Variants in CLNK observed in about 807,000 individuals in gnomAD.
The protein encoded by CLNK is cytokine-dependent hematopoietic cell linker.
CLNK carries 74 observed loss-of-function variants against 68.6 expected under a neutral mutation model. The observed-to-expected ratio is 1.08, with a 90% CI of 0.89 to 1.31. CLNK has a LOEUF of 1.31. CLNK is among the 50% of genes most tolerant of loss of function. CLNK has a pLI of 0.00. For missense variants in CLNK, 553 were observed against 515.3 expected (o/e 1.07, Z -0.71); for synonymous variants, 198 against 172.2 (o/e 1.15, Z -1.17).
At chr4:10,617,378 A>G (rs1722277868) in intron 2 of CLNK, among the ~76,000 whole-genome samples, 2 of 152,280 alleles carry the variant, frequency 1.3e-5, no homozygotes, top group South Asian at 4.1e-4. Context: ...CCAAAAGAAT[A>G]TTTGTTAATA....
intron 2 of CLNK, among the ~76,000 whole-genome samples, chr4:10,634,420 A>C (rs569144043): frequency 2.0e-5 from 3 of 152,170 alleles, no homozygotes; most frequent in Non-Finnish European, 4.4e-5. Flanking sequence ...AATCTGGGGA[A>C]TGAGGCTGAA....
chr4:10,542,482 G>A (rs927473801), intron 8 of CLNK, among the ~76,000 whole-genome samples: 10 of 151,904 alleles, frequency 6.6e-5, no homozygotes, highest in African/African-American at 2.4e-4. Flanking sequence ...ACCCTTGTTC[G>A]GTTAATGAAG....
At chr4:10,543,657 A>G (rs1030930218) in intron 8 of CLNK, among the ~76,000 whole-genome samples, 3 of 152,234 alleles carry the variant, frequency 2.0e-5, no homozygotes, top group Non-Finnish European at 2.9e-5. Context: ...ACAATACAAC[A>G]CAACACAATG....
At chr4:10,542,152 A>C in intron 9 of CLNK, 103 bp downstream of exon 9, 2 of 1,220,336 alleles carry the variant, frequency 1.6e-6, no homozygotes, top group Non-Finnish European at 2.3e-6. Flanking sequence ...TCAGACTTAT[A>C]AGACATATTT....
At chr4:10,512,429 C>A (rs1348592569) in intron 16 of CLNK, among the ~76,000 whole-genome samples, 2 of 151,902 alleles carry the variant, frequency 1.3e-5, no homozygotes, top group African/African-American at 4.8e-5. Flanking sequence ...TAGAGTTTCT[C>A]CATGTTGGTC....
At chr4:10,727,403 G>C in the CLNK span, among the ~76,000 whole-genome samples, 2 of 152,122 alleles carry the variant, frequency 1.3e-5, no homozygotes, top group South Asian at 4.1e-4. Context: ...GTGAGACTGG[G>C]GTTTCACCAA....
At chr4:10,604,411 T>A (rs1721709771) in intron 2 of CLNK, among the ~76,000 whole-genome samples, 1 of 152,164 alleles carries the variant, frequency 6.6e-6, no homozygotes, top group South Asian at 2.1e-4. Flanking sequence ...AAATTGCATA[T>A]TCATGCACAC....
chr4:10,685,356 G>A (rs1725231158), upstream of CLNK, among the ~76,000 whole-genome samples: 1 of 151,858 alleles, frequency 6.6e-6, no homozygotes, highest in African/African-American at 2.4e-5. Flanking sequence ...TTCCTTCATT[G>A]AGGAAATGAT....
At position 10,659,922 on chromosome 4, in the gene CLNK, G is replaced by A. The variant is rs539356042; in HGVS notation, c.11+7937C>T. Reference sequence around the variant, plus strand: ...TACTTGAACTTAACAAAATTTTCCTGAAGTCAAGTTTTCTCCTTTCTTATG... The same window carrying A: ...TACTTGAACTTAACAAAATTTTCCTAAAGTCAAGTTTTCTCCTTTCTTATG... On this transcript the variant is annotated intron_variant, in intron 2 of 18. Coordinates refer to ENST00000226951, the MANE Select transcript of CLNK (RefSeq NM_052964.4). Among the ~76,000 whole-genome samples, 12 of 152,216 alleles carry A rather than the reference G, an allele frequency of 7.9e-5. No homozygotes were observed. In the South Asian group the frequency reaches 1.9e-3, roughly 24 times the overall value.
chr4:10,638,668 G>T (rs1458429459), intron 2 of CLNK, among the ~76,000 whole-genome samples: 1 of 152,196 alleles, frequency 6.6e-6, no homozygotes, highest in African/African-American at 2.4e-5. Flanking sequence ...GCCCACCTGT[G>T]TTTCTTGCTA....
chr4:10,574,618 A>G (rs11938495), intron 4 of CLNK, among the ~76,000 whole-genome samples: 34,008 of 151,576 alleles, frequency 0.22, 4,074 homozygotes, highest in African/African-American at 0.3. Flanking sequence ...CCCTCACGCC[A>G]CTCCCTTTAA....
intron 1 of CLNK, among the ~76,000 whole-genome samples, chr4:10,674,529 C>A (rs932715224): frequency 2.0e-5 from 3 of 152,130 alleles, no homozygotes; most frequent in Non-Finnish European, 4.4e-5. Context: ...TTTATTAACC[C>A]TGACCTGGAA....
intron 16 of CLNK, among the ~76,000 whole-genome samples, chr4:10,509,313 A>G (rs1183060931): frequency 6.6e-6 from 1 of 152,128 alleles, no homozygotes; most frequent in African/African-American, 2.4e-5. Context: ...CTGGAATGGT[A>G]TGAGCTAGCT....
chr4:10,547,257 A>G (rs1233358624), intron 8 of CLNK, among the ~76,000 whole-genome samples: 2 of 152,156 alleles, frequency 1.3e-5, no homozygotes, highest in East Asian at 1.9e-4. Context: ...GTCTTGTACA[A>G]TGGCGCAAAA....
Position 10,513,831 on chromosome 4 carries a change from A to T in CLNK, c.773-234T>A, listed in dbSNP as rs531415704. ...CTCCCAGAGTCATCTTTTTTTTTTT[A>T]AATTATTATTATTATTATTATTATT... On this transcript the variant is annotated intron_variant, in intron 15 of 18. Coordinates refer to ENST00000226951, the MANE Select transcript of CLNK (RefSeq NM_052964.4). 3.5e-3 allele frequency among the ~76,000 whole-genome samples: 503 copies of T among 142,308 alleles called. 2 individuals are homozygous for T. The highest frequency in any genetic ancestry group is 0.013 in the South Asian group (58 of 4,468). The allele number at this position is 142,308 out of a possible 152,430, so 93.4% of individuals were successfully genotyped here.
At chr4:10,672,381 TC>T (rs1184449952) in intron 1 of CLNK, among the ~76,000 whole-genome samples, 1 of 152,200 alleles carries the variant, frequency 6.6e-6, no homozygotes, top group African/African-American at 2.4e-5. Context: ...ATTCTGAGCC[TC>T]CGTGTGCTTA....
chr4:10,718,002 T>A, the CLNK span, among the ~76,000 whole-genome samples: 1 of 152,078 alleles, frequency 6.6e-6, no homozygotes, highest in Admixed American at 6.5e-5. Flanking sequence ...AACAGCAAAG[T>A]CTTATAGAAA....
At chr4:10,612,052 C>T (rs1448917321) in intron 2 of CLNK, among the ~76,000 whole-genome samples, 1 of 152,216 alleles carries the variant, frequency 6.6e-6, no homozygotes, top group South Asian at 2.1e-4. Flanking sequence ...ACAATGTCTA[C>T]AATGAAAAGG....
chr4:10,650,340 G>C (rs1162571427), intron 2 of CLNK, among the ~76,000 whole-genome samples: 2 of 152,004 alleles, frequency 1.3e-5, no homozygotes, highest in Non-Finnish European at 2.9e-5. Flanking sequence ...AATACTCAAA[G>C]AGATAATGAC....
Sources: allele counts gnomAD v4.1 joint callset (sites outside exome capture counted in the v4.1 genomes callset), GRCh38; gene constraint gnomAD v4.1.1; transcripts MANE v1.5; gene names NCBI Gene and HGNC (gene_info 2026-07-23, HGNC 2026-07-21).